Variants in SH3GL1 observed in about 807,000 individuals in gnomAD.
The protein encoded by SH3GL1 is SH3 domain containing GRB2 like 1, endophilin A2, also known as endophilin-A2.
Under a neutral mutation model 48.8 loss-of-function variants are expected in SH3GL1, and 21 were observed. The observed-to-expected ratio is 0.43, with a 90% CI of 0.30 to 0.62. The LOEUF is 0.62. Among genes scored for constraint, SH3GL1 ranks in the 20% least tolerant of loss-of-function variants. The probability of loss-of-function intolerance (pLI) is 0.11; values close to 1 mark genes in which losing one functional copy is unlikely to be tolerated. For missense variants in SH3GL1, 454 were observed against 503.0 expected (o/e 0.90, Z 0.93); for synonymous variants, 282 against 217.5 (o/e 1.30, Z -2.61).
At chr19:4,393,994 C>T (rs1289594860) in intron 1 of SH3GL1, among the ~76,000 whole-genome samples, 1 of 151,598 alleles carries the variant, frequency 6.6e-6, no homozygotes, top group Non-Finnish European at 1.5e-5. Flanking sequence ...TTCTCCTAGG[C>T]ACAAACCCAG....
chr19:4,362,672 G>T lies in SH3GL1; in HGVS notation c.793C>A (p.Leu265Ile). 6.2e-7 allele frequency: 1 copy of T among 1,614,030 alleles called. No homozygotes were observed. The highest frequency in any genetic ancestry group is 1.7e-5 in the Admixed American group (1 of 60,030). Residue 265 changes from leucine (L) to isoleucine (I), a missense_variant, in exon 8 of 10, where the codon CTT becomes ATT. By Grantham distance (5) the Leu-to-Ile change is conservative (BLOSUM62 2). Transcript: ENST00000269886. ...YKPKPREPFD[L>I]GEPEQSNGGF... ...CCGTTGGACTGCTCAGGCTCTCCAA[G>T]GTCAAAGGGCTCCCGGGGCTTGGGC...
intron 1 of SH3GL1, among the ~76,000 whole-genome samples, chr19:4,383,045 A>G (rs1045161381): frequency 6.6e-6 from 1 of 152,042 alleles, no homozygotes; most frequent in Non-Finnish European, 1.5e-5. Context: ...CAGGCTTCTG[A>G]GTAATTGTGA....
chr19:4,363,566 C>T, intron 6 of SH3GL1, 93 bp from the exon 7 acceptor site: 1 of 1,406,500 alleles, frequency 7.1e-7, no homozygotes, highest in Non-Finnish European at 9.9e-7. Flanking sequence ...GGCAAGGGGG[C>T]TGAGAGGGGA....
intron 7 of SH3GL1, 126 bp from the exon 8 acceptor site, chr19:4,362,862 G>T: frequency 6.9e-7 from 1 of 1,452,878 alleles, no homozygotes; most frequent in Non-Finnish European, 9.5e-7. Flanking sequence ...GTGGGGTTGT[G>T]ACACATGGAC....
At chr19:4,364,517 G>A in intron 4 of SH3GL1, 1 of 391,244 alleles carries the variant, frequency 2.6e-6, no homozygotes, top group Non-Finnish European at 4.8e-6. Context: ...TGCAACCTCT[G>A]CCTCCCAGGT....
chr19:4,400,285 G>C lies in SH3GL1; in HGVS notation c.45+39C>G. On this transcript the variant is annotated intron_variant, in intron 1 of 9. Transcript: ENST00000269886. The surrounding 1 kb of genome is among the most constrained non-coding windows in gnomAD (Gnocchi z 4.1). ...CCTGGCTCCCTCATCCGGGCAGCCC[G>C]GGGCCCGGTACTCGGCTCCCGCCTG... 2 of 1,582,812 alleles carry C rather than the reference G, an allele frequency of 1.3e-6. No individual in the cohort carries two copies. The highest frequency in any genetic ancestry group is 1.7e-5 in the Admixed American group (1 of 58,238).
intron 1 of SH3GL1, among the ~76,000 whole-genome samples, chr19:4,384,515 CTA>C (rs1380663487): frequency 6.6e-6 from 1 of 152,200 alleles, no homozygotes; most frequent in African/African-American, 2.4e-5. Flanking sequence ...CAGGGTCTCG[CTA>C]TATTGCCTAG....
intron 1 of SH3GL1, among the ~76,000 whole-genome samples, chr19:4,370,063 CGA>C (rs1396099766): frequency 6.6e-6 from 1 of 152,212 alleles, no homozygotes. Context: ...CGGAGGGGAC[CGA>C]GAGTCTGCGG....
intron 9 of SH3GL1, 67 bp downstream of exon 9, chr19:4,362,262 G>A (rs1972638415): frequency 2.0e-6 from 3 of 1,493,570 alleles, no homozygotes; most frequent in Admixed American, 3.7e-5. Flanking sequence ...AGGGCGGGAG[G>A]AGAAACACCC....
chr19:4,377,581 C>T (rs1398440006), intron 1 of SH3GL1, among the ~76,000 whole-genome samples: 4 of 152,184 alleles, frequency 2.6e-5, no homozygotes, highest in Non-Finnish European at 4.4e-5. Flanking sequence ...TGGTGAGAGG[C>T]GGTCAGCAGC....
At chr19:4,380,574 G>A (rs1029211458) in intron 1 of SH3GL1, among the ~76,000 whole-genome samples, 1 of 152,170 alleles carries the variant, frequency 6.6e-6, no homozygotes, top group South Asian at 2.1e-4. Context: ...AGGGCGTCAC[G>A]GGTGGGTATC....
rs1972695640 is a variant in SH3GL1 at position 4,363,822 on chromosome 19, C to T, written c.522G>A (p.Arg174=). The change falls in exon 6 of 10, where the codon CGG becomes CGA. Residue 174 remains arginine (R), a synonymous_variant. Coordinates refer to ENST00000269886, the MANE Select transcript of SH3GL1 (RefSeq NM_003025.4). The part of the protein sequence containing the change: ...RRLDFDYKKK[R]QGKIPDEELR... Reference sequence around the variant, plus strand: ...GCTCCTCATCGGGGATCTTGCCCTGCCGCTTCTTCTTGTAGTCAAAGTCCA... The same window carrying T: ...GCTCCTCATCGGGGATCTTGCCCTGTCGCTTCTTCTTGTAGTCAAAGTCCA... 1.2e-6 allele frequency: 2 copies of T among 1,613,574 alleles called. No individual in the cohort carries two copies. The highest frequency in any genetic ancestry group is 1.7e-6 in the Non-Finnish European group (2 of 1,180,038).
chr19:4,384,370 A>G (rs1389609791), intron 1 of SH3GL1, among the ~76,000 whole-genome samples: 1 of 152,170 alleles, frequency 6.6e-6, no homozygotes, highest in Non-Finnish European at 1.5e-5. Flanking sequence ...TTGAAATAAC[A>G]CACTTTACGA....
In SH3GL1 at chr19:4,363,388, G is replaced by T. The variant is rs571418230; in HGVS notation, c.710C>A (p.Ala237Glu). The T allele has an allele frequency of 5.6e-6, 9 of 1,606,850 alleles. No homozygotes were observed. The highest frequency in any genetic ancestry group is 1.3e-5 in the African/African-American group (1 of 74,848). The change falls in exon 7 of 10, where the codon GCG (alanine) becomes GAG (glutamate). Residue 237 changes from alanine to glutamate, a missense_variant. Physicochemically the swap from Ala to Glu is moderately radical, Grantham distance 107 (BLOSUM62 -1). Around this residue, in one of 2 missense-constraint regions of SH3GL1, gnomAD observed 278 missense variants for 246.8 expected, o/e 1.13. Coordinates refer to ENST00000269886, the MANE Select transcript of SH3GL1 (RefSeq NM_003025.4). ...RQAVQILDELAEKLKRRMREA... is the reference protein window; with the variant it reads ...RQAVQILDELEEKLKRRMREA... The stretch of plus-strand genomic sequence containing the variant: ...GGCTCACCTGCGCTTGAGCTTCTCC[G>T]CCAGCTCGTCCAGGATCTGCACGGC...
chr19:4,379,623 C>T (rs971464340), intron 1 of SH3GL1, among the ~76,000 whole-genome samples: 1 of 152,084 alleles, frequency 6.6e-6, no homozygotes, highest in African/African-American at 2.4e-5. Context: ...CAGCTGGGAA[C>T]TTGGCACAGC....
chr19:4,399,112 G>A (rs1477905430), intron 1 of SH3GL1, among the ~76,000 whole-genome samples: 2 of 152,102 alleles, frequency 1.3e-5, no homozygotes, highest in Admixed American at 6.6e-5. Flanking sequence ...TTGAGGCCAG[G>A]AGTTCGAGAC....
chr19:4,380,864 T>C (rs1402241119), intron 1 of SH3GL1, among the ~76,000 whole-genome samples: 5 of 152,232 alleles, frequency 3.3e-5, no homozygotes, highest in South Asian at 2.1e-4. Flanking sequence ...TTCTGCGAAG[T>C]TGAAGATTAG....
Position 4,367,355 on chromosome 19 carries a change from C to A in SH3GL1, c.46-361G>T, listed in dbSNP as rs1972805299. 6.6e-6 allele frequency among the ~76,000 whole-genome samples: 1 copy of A among 152,166 alleles called. No individual in the cohort carries two copies. The highest frequency in any genetic ancestry group is 1.5e-5 in the Non-Finnish European group (1 of 68,008). On this transcript the variant is annotated intron_variant, in intron 1 of 9. Coordinates refer to ENST00000269886, the MANE Select transcript of SH3GL1 (RefSeq NM_003025.4). This position sits in a 1 kb window ranked among gnomAD's most constrained non-coding sequence, Gnocchi z 4.2. ...CAGAAGACACTGCTTCCAGAAGCGC[C>A]TACACAAACATCCCCACAGATAGCA...
At chr19:4,383,937 A>G (rs1973186644) in intron 1 of SH3GL1, among the ~76,000 whole-genome samples, 1 of 152,206 alleles carries the variant, frequency 6.6e-6, no homozygotes, top group African/African-American at 2.4e-5. Context: ...CTAGGAACAT[A>G]TGCGATGGGT....
Sources: allele counts gnomAD v4.1 joint callset (sites outside exome capture counted in the v4.1 genomes callset), GRCh38; gene constraint gnomAD v4.1.1; regional missense constraint gnomAD v4.1.1; non-coding constraint Gnocchi (gnomAD v3.1); transcripts MANE v1.5; gene names NCBI Gene and HGNC (gene_info 2026-07-23, HGNC 2026-07-21).